TNIP3: variants seen among roughly 807,000 people sequenced by gnomAD.
The protein encoded by TNIP3 is TNFAIP3 interacting protein 3.
Under a neutral mutation model 54.1 loss-of-function variants are expected in TNIP3, and 34 were observed. The observed-to-expected ratio is 0.63, with a 90% CI of 0.48 to 0.84. The LOEUF is 0.84. Among genes scored for constraint, TNIP3 ranks in the 40% least tolerant of loss-of-function variants. The probability of loss-of-function intolerance (pLI) is 0.00; values close to 1 mark genes in which losing one functional copy is unlikely to be tolerated. For synonymous variants in TNIP3, 134 were observed against 136.8 expected, an observed-to-expected ratio of 0.98 and a Z score of 0.14; for missense variants, 366 against 387.6, an observed-to-expected ratio of 0.94 and a Z score of 0.47.
At chr4:121,163,675 G>C (rs896409336) in intron 1 of TNIP3, among the ~76,000 whole-genome samples, 10 of 152,268 alleles carry the variant, frequency 6.6e-5, no homozygotes, top group Admixed American at 5.2e-4. Context: ...AGTAGTCTCT[G>C]TTGCTGAACA....
intron 6 of TNIP3, among the ~76,000 whole-genome samples, chr4:121,148,548 T>A (rs149769195): frequency 6.6e-6 from 1 of 152,314 alleles, no homozygotes; most frequent in East Asian, 1.9e-4. Flanking sequence ...GCACCAACAG[T>A]TACTTTAGGG....
At chr4:121,135,718 A>G (rs1042248888) in intron 10 of TNIP3, among the ~76,000 whole-genome samples, 3 of 152,194 alleles carry the variant, frequency 2.0e-5, no homozygotes, top group African/African-American at 7.2e-5. Flanking sequence ...TGATTTCTTA[A>G]TAGTCAATAC....
intron 5 of TNIP3, among the ~76,000 whole-genome samples, chr4:121,153,384 A>G (rs1177494051): frequency 6.6e-6 from 1 of 152,184 alleles, no homozygotes; most frequent in Non-Finnish European, 1.5e-5. Context: ...TAACTAGACA[A>G]TGTAAGAAAA....
At chr4:121,188,384 T>G in intron 2 of TNIP3, among the ~76,000 whole-genome samples, 1 of 151,978 alleles carries the variant, frequency 6.6e-6, no homozygotes, top group East Asian at 1.9e-4. Context: ...GAAATAACGG[T>G]CTGCCCTGTA....
At chr4:121,181,329 T>C (rs1432768463) in intron 3 of TNIP3, among the ~76,000 whole-genome samples, 3 of 152,138 alleles carry the variant, frequency 2.0e-5, no homozygotes, top group African/African-American at 7.2e-5. Context: ...CATATTTCCA[T>C]GAAGGAATAA....
At chr4:121,196,040 A>T (rs1725561980) in intron 2 of TNIP3, among the ~76,000 whole-genome samples, 1 of 152,132 alleles carries the variant, frequency 6.6e-6, no homozygotes, top group Non-Finnish European at 1.5e-5. Flanking sequence ...TAAACACCAC[A>T]CGCTTGATTT....
At chr4:121,160,895 A>G (rs974036152) in intron 2 of TNIP3, among the ~76,000 whole-genome samples, 2 of 152,198 alleles carry the variant, frequency 1.3e-5, no homozygotes, top group Non-Finnish European at 2.9e-5. Flanking sequence ...TTAGGATTAT[A>G]TTACCAGACT....
At chr4:121,212,384 T>C (rs1250266914) in intron 2 of TNIP3, among the ~76,000 whole-genome samples, 1 of 152,170 alleles carries the variant, frequency 6.6e-6, no homozygotes, top group Non-Finnish European at 1.5e-5. Context: ...ATATATTACA[T>C]ATAAATAAAT....
chr4:121,158,279 T>C (rs1274684622), intron 3 of TNIP3, among the ~76,000 whole-genome samples: 2 of 152,182 alleles, frequency 1.3e-5, no homozygotes, highest in South Asian at 2.1e-4. Context: ...TTGTGGAAAA[T>C]AGGTCATGCT....
intron 1 of TNIP3, among the ~76,000 whole-genome samples, chr4:121,222,202 C>CG (rs1445921532): frequency 6.6e-6 from 1 of 152,266 alleles, no homozygotes; most frequent in African/African-American, 2.4e-5. Context: ...TCTTCCCCTG[C>CG]GAAGAGGACC....
rs531764477 is a variant in TNIP3, at chr4:121,164,279, T to C, written c.-154A>G. The C allele has an allele frequency of 7.7e-4, 1,109 of 1,446,322 alleles. 1 individual carries two copies. The highest frequency in any genetic ancestry group is 9.7e-4 in the Non-Finnish European group (1,068 of 1,103,020). The allele number at this position is 1,446,322 out of a possible 1,614,324, so 89.6% of individuals were successfully genotyped here. A position where few individuals can be genotyped will look rare whatever the true frequency, so the allele number is the denominator to read the frequency against. On this transcript the variant is annotated 5_prime_UTR_variant, in exon 1 of 11. Coordinates refer to ENST00000057513, the MANE Select transcript of TNIP3 (RefSeq NM_024873.6). ...GAAAATAACAGCAATAGGTTTTCAT[T>C]AAAAATGAACAGAAGTGACTGTGGA... is the stretch of plus-strand genomic sequence containing the variant.
In TNIP3 at chr4:121,150,223, CG is replaced by C. The variant is rs1389204312; in HGVS notation, c.493-5del. 6.4e-7 allele frequency: 1 copy of C among 1,570,774 alleles called. No individual in the cohort carries two copies. Among genetic ancestry groups the C allele is most frequent in the Non-Finnish European group, 8.8e-7 (1 of 1,142,004 alleles). On this transcript the variant is annotated splice_region_variant and splice_polypyrimidine_tract_variant and intron_variant, in intron 5 of 10. Coordinates refer to ENST00000057513, the MANE Select transcript of TNIP3 (RefSeq NM_024873.6). ...TATTCAAGGCATCCTGAAGAGCCTA[CG>C]TAATAAGATAAGTACACTGTTGATC...
intron 2 of TNIP3, among the ~76,000 whole-genome samples, chr4:121,207,680 A>G (rs1726260447): frequency 6.6e-6 from 1 of 152,230 alleles, no homozygotes; most frequent in South Asian, 2.1e-4. Flanking sequence ...ATTATAACTG[A>G]GAAAACTATG....
At chr4:121,145,195 A>G (rs1729357480) in intron 7 of TNIP3, among the ~76,000 whole-genome samples, 1 of 152,226 alleles carries the variant, frequency 6.6e-6, no homozygotes. Flanking sequence ...TTTTTAAAAT[A>G]TCATAGCATT....
At chr4:121,175,561 C>T (rs1724264847) in intron 3 of TNIP3, among the ~76,000 whole-genome samples, 1 of 152,162 alleles carries the variant, frequency 6.6e-6, no homozygotes, top group Admixed American at 6.5e-5. Context: ...CTACCTACTG[C>T]TTACATCTTC....
At chr4:121,156,999 G>T in intron 4 of TNIP3, 95 bp downstream of exon 4, 1 of 1,536,398 alleles carries the variant, frequency 6.5e-7, no homozygotes, top group South Asian at 1.2e-5. Context: ...GTAGTGAGTT[G>T]ATTTTAATAA....
At chr4:121,188,382 G>T (rs867742546) in intron 2 of TNIP3, among the ~76,000 whole-genome samples, 1 of 151,982 alleles carries the variant, frequency 6.6e-6, no homozygotes, top group African/African-American at 2.4e-5. Flanking sequence ...GGGAAATAAC[G>T]GTCTGCCCTG....
At chr4:121,177,428 C>T (rs928722976) in intron 3 of TNIP3, among the ~76,000 whole-genome samples, 2 of 152,212 alleles carry the variant, frequency 1.3e-5, no homozygotes, top group African/African-American at 4.8e-5. Flanking sequence ...TTCCTCAAAG[C>T]AGTGAGTCAG....
chr4:121,192,564 A>G (rs1725358263), intron 2 of TNIP3, among the ~76,000 whole-genome samples: 1 of 152,124 alleles, frequency 6.6e-6, no homozygotes, highest in Non-Finnish European at 1.5e-5. Flanking sequence ...GAGCTTTAAA[A>G]CAGTTCATCT....
Sources: gnomAD v4.1 joint callset for allele counts (sites outside exome capture counted in the v4.1 genomes callset) on GRCh38, gnomAD v4.1.1 for gene constraint, MANE v1.5 for transcripts, NCBI Gene and HGNC (gene_info 2026-07-23, HGNC 2026-07-21) for gene names.